The following EDAR variants were observed in gnomAD, a reference collection of about 807,000 sequenced individuals.
The protein encoded by EDAR is tumor necrosis factor receptor superfamily member EDAR.
A neutral mutation model predicts 51.3 loss-of-function variants in EDAR; 38 were observed. The ratio of observed to expected loss-of-function variants is 0.74; its 90% CI spans 0.57 to 0.97. The LOEUF (loss-of-function observed/expected upper bound fraction) is 0.97, where lower values mean the gene tolerates loss of function less well. Among genes scored for constraint, EDAR ranks in the 50% least tolerant of loss-of-function variants. EDAR has a pLI of 0.00. For synonymous variants in EDAR, 227 were observed against 242.1 expected (o/e 0.94, Z 0.58); for missense variants, 528 against 595.0 (o/e 0.89, Z 1.17).
At chr2:108,948,191 T>C (rs1558826531) in intron 1 of EDAR, among the ~76,000 whole-genome samples, 2 of 152,262 alleles carry the variant, frequency 1.3e-5, no homozygotes. Flanking sequence ...GAGTGACCTT[T>C]GCTTCAGTTC....
chr2:108,973,777 G>A (rs1034137262), intron 1 of EDAR, among the ~76,000 whole-genome samples: 5 of 152,126 alleles, frequency 3.3e-5, no homozygotes, highest in Admixed American at 1.3e-4. Context: ...TCACAATAAC[G>A]AAAACATCAT....
intron 1 of EDAR, among the ~76,000 whole-genome samples, chr2:108,988,589 G>A (rs1350737348): frequency 1.3e-5 from 2 of 152,068 alleles, no homozygotes; most frequent in East Asian, 1.9e-4. Flanking sequence ...TCCCTGCCGC[G>A]CCTGCCTTCC....
intron 1 of EDAR, among the ~76,000 whole-genome samples, chr2:108,955,507 G>A (rs1697904906): frequency 6.6e-6 from 1 of 152,132 alleles, no homozygotes; most frequent in Non-Finnish European, 1.5e-5. Context: ...TAGCACTCTG[G>A]GAGGCCGTGG....
At chr2:108,929,072 GCCA>G in intron 4 of EDAR, 123 bp downstream of exon 4, 2 of 1,129,078 alleles carry the variant, frequency 1.8e-6, no homozygotes, top group Non-Finnish European at 2.6e-6. Flanking sequence ...TGGGACCAAG[GCCA>G]GGTGTGCGGC....
At chr2:108,909,157 C>T (rs1696867237) in intron 9 of EDAR, among the ~76,000 whole-genome samples, 1 of 152,188 alleles carries the variant, frequency 6.6e-6, no homozygotes, top group South Asian at 2.1e-4. Context: ...AATAGGGCCT[C>T]CAAATTTTCC....
intron 2 of EDAR, 84 bp from the exon 3 acceptor site, chr2:108,930,326 A>G: frequency 6.3e-7 from 1 of 1,581,374 alleles, no homozygotes; most frequent in Non-Finnish European, 8.7e-7. Context: ...TTGACATAGG[A>G]AGGGGGTGCC....
intron 1 of EDAR, among the ~76,000 whole-genome samples, chr2:108,963,307 A>G (rs1698088963): frequency 6.6e-6 from 1 of 152,240 alleles, no homozygotes; most frequent in Admixed American, 6.5e-5. Context: ...CATAGCAACT[A>G]TGAGAAAAGA....
At chr2:108,956,779 G>A (rs1277483134) in intron 1 of EDAR, among the ~76,000 whole-genome samples, 1 of 127,180 alleles carries the variant, frequency 7.9e-6, no homozygotes, top group Non-Finnish European at 1.5e-5. Flanking sequence ...AAAGGCGAAA[G>A]CTCTCTTTTT....
intron 4 of EDAR, 151 bp downstream of exon 4, chr2:108,929,047 C>G: frequency 2.2e-6 from 2 of 901,546 alleles, no homozygotes; most frequent in Non-Finnish European, 3.5e-6. Context: ...GTCCTGGATG[C>G]TGCTCCTTGT....
chr2:108,948,790 G>T, intron 1 of EDAR, among the ~76,000 whole-genome samples: 1 of 152,128 alleles, frequency 6.6e-6, no homozygotes, highest in Admixed American at 6.5e-5. Flanking sequence ...GATGAGATTT[G>T]GCTGGGGACA....
intron 1 of EDAR, among the ~76,000 whole-genome samples, chr2:108,980,467 A>G (rs543276985): frequency 3.4e-4 from 52 of 152,270 alleles, no homozygotes; most frequent in African/African-American, 2.4e-5. Flanking sequence ...GTTCAAATAT[A>G]TATATATTCA....
At chr2:108,966,851 C>G (rs556276809) in intron 1 of EDAR, among the ~76,000 whole-genome samples, 1 of 152,318 alleles carries the variant, frequency 6.6e-6, no homozygotes, top group East Asian at 1.9e-4. Context: ...GGACAAACAA[C>G]TCCACTAACA....
chr2:108,903,549 C>T (rs1265870525), intron 11 of EDAR, among the ~76,000 whole-genome samples: 1 of 152,080 alleles, frequency 6.6e-6, no homozygotes, highest in African/African-American at 2.4e-5. Flanking sequence ...GAGGGACAGA[C>T]ATGTAGATAA....
chr2:108,941,389 C>T (rs1313496256), intron 1 of EDAR, among the ~76,000 whole-genome samples: 1 of 152,166 alleles, frequency 6.6e-6, no homozygotes, highest in Non-Finnish European at 1.5e-5. Context: ...TCTGCTCTGG[C>T]CAGAGGAGAG....
At chr2:108,970,382 C>A (rs1340576079) in intron 1 of EDAR, among the ~76,000 whole-genome samples, 1 of 152,150 alleles carries the variant, frequency 6.6e-6, no homozygotes, top group Non-Finnish European at 1.5e-5. Context: ...AAGAAGAGAA[C>A]CTGGGAGCCC....
At chr2:108,970,495 T>C (rs1044701494) in intron 1 of EDAR, among the ~76,000 whole-genome samples, 1 of 151,348 alleles carries the variant, frequency 6.6e-6, no homozygotes, top group Non-Finnish European at 1.5e-5. Flanking sequence ...GGACACTGAG[T>C]GGAGATGGTC....
At chr2:108,987,311 T>C (rs150091184) in intron 1 of EDAR, among the ~76,000 whole-genome samples, 18 of 152,360 alleles carry the variant, frequency 1.2e-4, no homozygotes, top group Non-Finnish European at 2.6e-4. Context: ...GAACTTTGAC[T>C]AGAAGAGGCT....
At chr2:108,962,103 T>A (rs1698058041) in intron 1 of EDAR, among the ~76,000 whole-genome samples, 1 of 152,158 alleles carries the variant, frequency 6.6e-6, no homozygotes, top group Non-Finnish European at 1.5e-5. Flanking sequence ...GATGTCCAAG[T>A]GAGACTGTGA....
chr2:108,916,485 C>G (rs1697030162), intron 5 of EDAR, among the ~76,000 whole-genome samples: 1 of 152,186 alleles, frequency 6.6e-6, no homozygotes, highest in African/African-American at 2.4e-5. Flanking sequence ...ACAATGCCTG[C>G]AGATGTGACA....
Sources: allele counts gnomAD v4.1 joint callset (sites outside exome capture counted in the v4.1 genomes callset), GRCh38; gene constraint gnomAD v4.1.1; transcripts MANE v1.5; gene names NCBI Gene and HGNC (gene_info 2026-07-23, HGNC 2026-07-21).